Variants in TENM4 observed in about 807,000 individuals in gnomAD.
The protein encoded by TENM4 is teneurin transmembrane protein 4.
Under a neutral mutation model 243.3 loss-of-function variants are expected in TENM4, and 82 were observed. The ratio of observed to expected loss-of-function variants is 0.34; its 90% confidence interval spans 0.28 to 0.40. The LOEUF (loss-of-function observed/expected upper bound fraction) is 0.40. TENM4 is among the 10% of genes least tolerant of loss of function. TENM4 has a pLI of 1.00. For synonymous variants in TENM4, 1,412 were observed against 1,456.3 expected (o/e 0.97, Z 0.69); for missense variants, 3,138 against 3,673.3 (o/e 0.85, Z 3.77).
rs1000439284 is a variant in TENM4, at chr11:79,438,520, T to C, written c.-321+1989A>G. On this transcript the variant is annotated intron_variant, in intron 1 of 33. Coordinates refer to ENST00000278550, the MANE Select transcript of TENM4 (RefSeq NM_001098816.3). The surrounding 1 kb of genome is among the most constrained non-coding windows in gnomAD (Gnocchi z 4.1). Reference sequence around the variant, plus strand: ...CAGCCCGGCAGAGCCAGCGTTCTACTCCCTCTAACCCCTCGCCAGCGTGGG... The same window carrying C: ...CAGCCCGGCAGAGCCAGCGTTCTACCCCCTCTAACCCCTCGCCAGCGTGGG... Among the ~76,000 whole-genome samples, 3 of 152,136 alleles carry C rather than the reference T, an allele frequency of 2.0e-5. No individual in the cohort carries two copies. Among genetic ancestry groups the C allele is most frequent in the African/African-American group, 7.2e-5 (3 of 41,428 alleles).
chr11:79,171,198 G>A (rs1005370546), intron 3 of TENM4, among the ~76,000 whole-genome samples: 5 of 152,208 alleles, frequency 3.3e-5, no homozygotes, highest in Non-Finnish European at 7.3e-5. Context: ...GGAAAGGGTA[G>A]AGAGGGCCTA....
At chr11:79,237,588 A>G (rs1864500761) in intron 2 of TENM4, among the ~76,000 whole-genome samples, 1 of 152,158 alleles carries the variant, frequency 6.6e-6, no homozygotes, top group South Asian at 2.1e-4. Flanking sequence ...GAGGCAGGAG[A>G]ATCACTTGAA....
At chr11:79,365,132 G>A (rs375321311) in intron 1 of TENM4, among the ~76,000 whole-genome samples, 1 of 152,178 alleles carries the variant, frequency 6.6e-6, no homozygotes, top group Non-Finnish European at 1.5e-5. Context: ...ATAGAAAATT[G>A]TTTTCCAACT....
At chr11:79,058,498 C>T (rs1305010862) in intron 6 of TENM4, among the ~76,000 whole-genome samples, 3 of 150,350 alleles carry the variant, frequency 2.0e-5, no homozygotes, top group Admixed American at 6.6e-5. Flanking sequence ...GAGCTGAGAT[C>T]GTGCCACTGC....
chr11:78,936,292 T>G (rs1836977289), intron 6 of TENM4, among the ~76,000 whole-genome samples: 1 of 152,236 alleles, frequency 6.6e-6, no homozygotes, highest in Non-Finnish European at 1.5e-5. Context: ...TTTCTTCATT[T>G]ATAAAATGGG....
intron 2 of TENM4, among the ~76,000 whole-genome samples, chr11:79,271,862 A>G (rs1016231852): frequency 2.6e-5 from 4 of 152,206 alleles, no homozygotes; most frequent in Non-Finnish European, 5.9e-5. Flanking sequence ...ACTCCAGGAA[A>G]GGAGAGAAGG....
intron 5 of TENM4, among the ~76,000 whole-genome samples, chr11:79,067,612 G>A (rs578080116): frequency 3.3e-4 from 9 of 26,950 alleles, no homozygotes; most frequent in East Asian, 9.9e-4. Flanking sequence ...AGACATCTCG[G>A]GACTAGGATG....
chr11:79,377,783 CTG>C (rs1857921096), intron 1 of TENM4, among the ~76,000 whole-genome samples: 1 of 152,154 alleles, frequency 6.6e-6, no homozygotes, highest in Non-Finnish European at 1.5e-5. Context: ...GAAAAGTGTT[CTG>C]TACTCCCTAG....
chr11:78,779,281 T>A (rs751613571), intron 16 of TENM4, among the ~76,000 whole-genome samples: 5 of 152,232 alleles, frequency 3.3e-5, no homozygotes, highest in Non-Finnish European at 5.9e-5. Flanking sequence ...GCATTCCTCC[T>A]TTGTGCATCG....
chr11:78,859,504 G>A (rs1339439933), intron 10 of TENM4, among the ~76,000 whole-genome samples: 1 of 152,194 alleles, frequency 6.6e-6, no homozygotes, highest in Non-Finnish European at 1.5e-5. Flanking sequence ...ATTTCTTAAT[G>A]AATTGCTAAA....
intron 12 of TENM4, among the ~76,000 whole-genome samples, chr11:78,843,241 G>T (rs1858304235): frequency 6.6e-6 from 1 of 152,194 alleles, no homozygotes; most frequent in Non-Finnish European, 1.5e-5. Context: ...TTGCACCACT[G>T]CACTCCAGCC....
At chr11:79,315,690 T>C (rs1246304153) in intron 1 of TENM4, among the ~76,000 whole-genome samples, 1 of 152,228 alleles carries the variant, frequency 6.6e-6, no homozygotes, top group African/African-American at 2.4e-5. Flanking sequence ...CCAAGGTGAT[T>C]TGTGTGTACA....
At chr11:79,083,196 C>G (rs1361378345) in intron 4 of TENM4, among the ~76,000 whole-genome samples, 2 of 152,172 alleles carry the variant, frequency 1.3e-5, no homozygotes, top group African/African-American at 2.4e-5. Context: ...GTGGGGCAGG[C>G]AGTGTGCAGC....
At chr11:78,677,040 G>A (rs1348306063) in intron 29 of TENM4, among the ~76,000 whole-genome samples, 3 of 152,146 alleles carry the variant, frequency 2.0e-5, no homozygotes, top group Non-Finnish European at 4.4e-5. Flanking sequence ...TGATAAACAT[G>A]TTCCAGAATC....
intron 2 of TENM4, among the ~76,000 whole-genome samples, chr11:79,226,490 C>T (rs188673005): frequency 2.6e-5 from 4 of 152,314 alleles, no homozygotes; most frequent in East Asian, 3.9e-4. Flanking sequence ...CAGGCCCTCA[C>T]GGGAAGAATG....
chr11:78,932,059 A>G (rs913482096), intron 6 of TENM4, among the ~76,000 whole-genome samples: 12 of 152,230 alleles, frequency 7.9e-5, no homozygotes, highest in African/African-American at 2.9e-4. Flanking sequence ...GCAGGCTTGG[A>G]AAGCACTTAA....
intron 3 of TENM4, among the ~76,000 whole-genome samples, chr11:79,192,128 G>A (rs746433263): frequency 2.7e-5 from 4 of 148,568 alleles, no homozygotes; most frequent in African/African-American, 7.5e-5. Flanking sequence ...CAGCCGCCCC[G>A]TCCGGGAGGG....
chr11:78,734,475 C>CTT (rs745426294), intron 20 of TENM4, among the ~76,000 whole-genome samples: 2 of 140,874 alleles, frequency 1.4e-5, no homozygotes, highest in Admixed American at 7.1e-5. Flanking sequence ...ACTGTTAGAA[C>CTT]TTTTTTTTTT....
chr11:78,828,941 G>T (rs890415672), intron 12 of TENM4, among the ~76,000 whole-genome samples: 1 of 152,254 alleles, frequency 6.6e-6, no homozygotes, highest in Non-Finnish European at 1.5e-5. Flanking sequence ...TTCCTCCCCA[G>T]TTCCCTGACC....
Sources: allele counts gnomAD v4.1 joint callset (sites outside exome capture counted in the v4.1 genomes callset), GRCh38; gene constraint gnomAD v4.1.1; non-coding constraint Gnocchi (gnomAD v3.1); transcripts MANE v1.5; gene names NCBI Gene and HGNC (gene_info 2026-07-23, HGNC 2026-07-21).